Variants in ZNF710 observed in about 807,000 individuals in gnomAD.
ZNF710 encodes zinc finger protein 710.
In ZNF710, 13 loss-of-function variants were observed where a neutral mutation model predicts 50.6. The ratio of observed to expected loss-of-function variants is 0.26; its 90% CI spans 0.17 to 0.41. The LOEUF (loss-of-function observed/expected upper bound fraction) is 0.41, where lower values mean the gene tolerates loss of function less well. ZNF710 is among the 10% of genes least tolerant of loss of function. ZNF710 has a pLI of 1.00. For missense variants in ZNF710, 721 were observed against 936.6 expected, an observed-to-expected ratio of 0.77 and a Z score of 3.01; for synonymous variants, 383 against 397.0, an observed-to-expected ratio of 0.96 and a Z score of 0.42.
At position 90,074,239 on chromosome 15, in the gene ZNF710, C is replaced by T. The variant is rs1900508043; in HGVS notation, c.1774C>T (p.Arg592Trp). ...SKFNLKGNLS[R>W]HMKVKHGVMD... ...GTTTAATCTCAAGGGCAACCTGAGC[C>T]GGCACATGAAGGTCAAGCATGGCGT... Residue 592 changes from arginine (R) to tryptophan (W), a missense_variant, in exon 4 of 5, where the codon CGG becomes TGG. Around this residue, in one of 3 missense-constraint regions of ZNF710, gnomAD observed 326 missense variants for 522.0 expected, o/e 0.62. Transcript: ENST00000268154. The T allele has an allele frequency of 4.3e-6, 7 of 1,613,594 alleles. No homozygotes were observed. Among genetic ancestry groups the T allele is most frequent in the Non-Finnish European group, 5.9e-6 (7 of 1,179,850 alleles).
At chr15:90,017,547 C>T (rs943320141) in intron 1 of ZNF710, among the ~76,000 whole-genome samples, 9 of 151,844 alleles carry the variant, frequency 5.9e-5, no homozygotes, top group African/African-American at 2.2e-4. Flanking sequence ...GGAATGCTCT[C>T]GGGGGTAGGA....
chr15:90,025,108 C>T (rs1898736923), intron 1 of ZNF710: 1 of 152,178 alleles, frequency 6.6e-6, no homozygotes, highest in Non-Finnish European at 1.5e-5. Flanking sequence ...AGGGGAAGCT[C>T]ATTTGAGAGT....
chr15:90,029,695 A>C (rs945029583), intron 1 of ZNF710, among the ~76,000 whole-genome samples: 15 of 152,014 alleles, frequency 9.9e-5, no homozygotes, highest in Non-Finnish European at 1.9e-4. Context: ...GGCTCACTAC[A>C]ACCTCCACCT....
intron 1 of ZNF710, among the ~76,000 whole-genome samples, chr15:90,012,147 G>A (rs1371700100): frequency 6.6e-6 from 1 of 151,846 alleles, no homozygotes; most frequent in African/African-American, 2.4e-5. Flanking sequence ...AGAGGTTGCA[G>A]TGAGCTGAGA....
At chr15:90,031,554 A>G (rs957388301) in intron 1 of ZNF710, among the ~76,000 whole-genome samples, 2 of 152,236 alleles carry the variant, frequency 1.3e-5, no homozygotes, top group Non-Finnish European at 2.9e-5. Flanking sequence ...TGGTCTCTCA[A>G]CACCAGGTCT....
chr15:90,069,635 A>G (rs1443162035), intron 2 of ZNF710, among the ~76,000 whole-genome samples: 1 of 152,202 alleles, frequency 6.6e-6, no homozygotes, highest in African/African-American at 2.4e-5. Context: ...CCCTTTAAGA[A>G]CAGGCTAAAT....
At chr15:90,003,014 C>T (rs1008449130) in intron 1 of ZNF710, among the ~76,000 whole-genome samples, 3 of 152,218 alleles carry the variant, frequency 2.0e-5, no homozygotes, top group Admixed American at 1.3e-4. Flanking sequence ...GCTGGGACTA[C>T]AGGCGCACGC....
chr15:90,011,931 G>A (rs182139780), intron 1 of ZNF710, among the ~76,000 whole-genome samples: 237 of 152,334 alleles, frequency 1.6e-3, no homozygotes, highest in Non-Finnish European at 2.6e-3. Flanking sequence ...TGGGGGCTGG[G>A]CGTGGTGGCT....
chr15:90,070,644 C>G (rs1186504667), intron 2 of ZNF710, among the ~76,000 whole-genome samples: 1 of 151,444 alleles, frequency 6.6e-6, no homozygotes, highest in Admixed American at 6.6e-5. Context: ...AAGACTCTAT[C>G]TCAAAAAAAA....
chr15:90,014,638 T>A (rs1364305799), intron 1 of ZNF710, among the ~76,000 whole-genome samples: 2 of 152,082 alleles, frequency 1.3e-5, no homozygotes, highest in East Asian at 1.9e-4. Context: ...TAAATATTTT[T>A]AAAAATGAAC....
At chr15:90,073,614 C>A (rs976227725) in intron 3 of ZNF710, among the ~76,000 whole-genome samples, 3 of 152,060 alleles carry the variant, frequency 2.0e-5, no homozygotes, top group Non-Finnish European at 2.9e-5. Context: ...GAGCAGTGAC[C>A]CCCAATGGAT....
intron 1 of ZNF710, among the ~76,000 whole-genome samples, chr15:90,063,441 G>T (rs1900073561): frequency 6.6e-6 from 1 of 152,124 alleles, no homozygotes; most frequent in African/African-American, 2.4e-5. Context: ...ATGAGAAGCT[G>T]TAGGTCTTCC....
At chr15:90,011,932 C>T (rs570761340) in intron 1 of ZNF710, among the ~76,000 whole-genome samples, 9 of 152,288 alleles carry the variant, frequency 5.9e-5, no homozygotes, top group Admixed American at 5.2e-4. Context: ...GGGGGCTGGG[C>T]GTGGTGGCTC....
chr15:90,010,238 C>T (rs1898261863), intron 1 of ZNF710, among the ~76,000 whole-genome samples: 1 of 152,134 alleles, frequency 6.6e-6, no homozygotes, highest in African/African-American at 2.4e-5. Context: ...GATATCTGTG[C>T]TCTTTAACCA....
rs527266965 is a variant in ZNF710, at chr15:90,062,586, A to T, written c.-28-4524A>T. Among the ~76,000 whole-genome samples, 111 of 152,296 alleles carry T rather than the reference A, an allele frequency of 7.3e-4. No homozygotes were observed. The highest frequency in any genetic ancestry group is 3.4e-3 in the Middle Eastern group (1 of 294). On this transcript the variant is annotated intron_variant, in intron 1 of 4. Transcript: ENST00000268154. The surrounding 1 kb of genome is among the most constrained non-coding windows in gnomAD (Gnocchi z 5.6). The stretch of plus-strand genomic sequence containing the variant: ...CAGCCCTGGCACACAGGTGACGCAC[A>T]CCTGGCAGGCTCTCTTCCTGCCCTG...
At chr15:90,072,937 C>G in intron 2 of ZNF710, 134 bp from the exon 3 acceptor site, 1 of 943,158 alleles carries the variant, frequency 1.1e-6, no homozygotes, top group Non-Finnish European at 1.6e-6. Context: ...TTGGAATACC[C>G]TCAAAAAGAG....
intron 1 of ZNF710, among the ~76,000 whole-genome samples, chr15:90,022,454 C>T (rs1427128848): frequency 3.3e-5 from 5 of 152,030 alleles, no homozygotes; most frequent in African/African-American, 7.2e-5. Flanking sequence ...TTGAGGAGTC[C>T]GAGGGGGATT....
At chr15:90,061,979 C>A (rs537624087) in intron 1 of ZNF710, among the ~76,000 whole-genome samples, 88 of 152,002 alleles carry the variant, frequency 5.8e-4, no homozygotes, top group Middle Eastern at 3.4e-3. Context: ...CCCCTGCTGG[C>A]CCCCAGACGA....
chr15:90,033,515 C>A (rs1183965177), intron 1 of ZNF710, among the ~76,000 whole-genome samples: 1 of 152,198 alleles, frequency 6.6e-6, no homozygotes, highest in Non-Finnish European at 1.5e-5. Context: ...CCGGCTACTC[C>A]ACGTTGAGCC....
Sources: allele counts gnomAD v4.1 joint callset (sites outside exome capture counted in the v4.1 genomes callset), GRCh38; gene constraint gnomAD v4.1.1; regional missense constraint gnomAD v4.1.1; non-coding constraint Gnocchi (gnomAD v3.1); transcripts MANE v1.5; gene names NCBI Gene and HGNC (gene_info 2026-07-23, HGNC 2026-07-21).